Variants in ICA1L observed in about 807,000 individuals in gnomAD.
The protein encoded by ICA1L is islet cell autoantigen 1 like, also known as islet cell autoantigen 1-like protein.
ICA1L carries 50 observed loss-of-function variants against 61.3 expected under a neutral mutation model. The ratio of observed to expected loss-of-function variants is 0.82; its 90% CI spans 0.65 to 1.03. ICA1L has a LOEUF of 1.03. Among genes scored for constraint, ICA1L ranks in the 50% least tolerant of loss-of-function variants. The probability of loss-of-function intolerance (pLI) is 0.00; values close to 1 mark genes in which losing one functional copy is unlikely to be tolerated. For missense variants in ICA1L, 508 were observed against 556.7 expected, an observed-to-expected ratio of 0.91 and a Z score of 0.88; for synonymous variants, 161 against 191.3, an observed-to-expected ratio of 0.84 and a Z score of 1.31.
At chr2:202,799,321 G>C (rs1392476006) in intron 9 of ICA1L, among the ~76,000 whole-genome samples, 1 of 151,924 alleles carries the variant, frequency 6.6e-6, no homozygotes, top group African/African-American at 2.4e-5. Context: ...TTCTGACTAG[G>C]GTAAGCTGAT....
At chr2:202,867,173 T>C (rs1687541435) in intron 1 of ICA1L, among the ~76,000 whole-genome samples, 1 of 152,202 alleles carries the variant, frequency 6.6e-6, no homozygotes, top group Non-Finnish European at 1.5e-5. Flanking sequence ...TCTGAATATA[T>C]GAAGAATAAT....
intron 11 of ICA1L, among the ~76,000 whole-genome samples, chr2:202,787,418 A>G (rs143387694): frequency 7.6e-4 from 116 of 152,370 alleles, no homozygotes; most frequent in African/African-American, 2.3e-3. Flanking sequence ...CTTTATAGCT[A>G]CTGAGCCATT....
chr2:202,797,132 T>TTGTGTGTGTATATA lies in ICA1L; in HGVS notation c.911-169_911-168insTATATACACACACA, dbSNP rs542686344. Among the ~76,000 whole-genome samples the TTGTGTGTGTATATA allele has an allele frequency of 1.5e-3, 218 of 147,818 alleles. 1 individual carries two copies. The highest frequency in any genetic ancestry group is 3.4e-3 in the Middle Eastern group (1 of 292). On this transcript the variant is annotated intron_variant, in intron 9 of 12. Coordinates refer to ENST00000358299, the MANE Select transcript of ICA1L (RefSeq NM_001288622.3). ...ATAATCTTATATATAAAAATCACAT[T>TTGTGTGTGTATATA]TGTGTGTGTGTGTGTGTGTGTGTGT...
intron 9 of ICA1L, among the ~76,000 whole-genome samples, chr2:202,811,444 G>C (rs1693375470): frequency 6.6e-6 from 1 of 151,952 alleles, no homozygotes; most frequent in Admixed American, 6.6e-5. Context: ...CGGATCACAA[G>C]GTCAGGAGAT....
chr2:202,803,400 CAAAAAAAA>C (rs71030990), intron 9 of ICA1L, among the ~76,000 whole-genome samples: 1 of 60,644 alleles, frequency 1.6e-5, no homozygotes, highest in Non-Finnish European at 3.0e-5. Context: ...GACTCGATCT[CAAAAAAAA>C]AAAAAAAAAA....
chr2:202,854,407 C>G (rs1694715504), intron 1 of ICA1L, among the ~76,000 whole-genome samples: 1 of 152,098 alleles, frequency 6.6e-6, no homozygotes, highest in African/African-American at 2.4e-5. Context: ...TCTTAGAGAC[C>G]TACAAAAAGA....
chr2:202,865,418 G>A (rs1002805276), intron 1 of ICA1L, among the ~76,000 whole-genome samples: 5 of 151,036 alleles, frequency 3.3e-5, no homozygotes, highest in Admixed American at 2.0e-4. Flanking sequence ...GCAGTGAGCC[G>A]AGAGTGCACC....
intron 1 of ICA1L, among the ~76,000 whole-genome samples, chr2:202,853,699 G>A (rs1391885236): frequency 1.3e-5 from 2 of 152,106 alleles, no homozygotes; most frequent in African/African-American, 4.8e-5. Context: ...CAAAGAATAT[G>A]AACACACACT....
intron 5 of ICA1L, chr2:202,819,461 A>T: frequency 2.4e-6 from 1 of 408,632 alleles, no homozygotes; most frequent in South Asian, 4.3e-5. Flanking sequence ...AGTAATTTAG[A>T]TCTATCATGA....
rs1297431916 is a variant in ICA1L, at chr2:202,796,909, C to T, written c.966G>A (p.Gln322=). 1 of 1,596,046 alleles carries T rather than the reference C, an allele frequency of 6.3e-7. No individual in the cohort carries two copies. The highest frequency in any genetic ancestry group is 8.5e-7 in the Non-Finnish European group (1 of 1,170,180). Reference sequence around the variant, plus strand: ...TCTTACCATTTTCAGAGTTAGAAAACTGAGGTGCTCCAAATTCTCTCATTT... The same window carrying T: ...TCTTACCATTTTCAGAGTTAGAAAATTGAGGTGCTCCAAATTCTCTCATTT... ...HSQMREFGAP[Q]FSNSENVAKD... is the part of the protein sequence containing the mutation. The change falls in exon 10 of 13, where the codon CAG becomes CAA. Residue 322 remains glutamine, a synonymous_variant. Transcript: ENST00000358299.
chr2:202,828,263 CAA>C (rs56039507), intron 2 of ICA1L, among the ~76,000 whole-genome samples: 64,539 of 136,098 alleles, frequency 0.47, 14,619 homozygotes, highest in East Asian at 0.61. Flanking sequence ...AACCTCCATC[CAA>C]AAAAAAAAAA....
intron 1 of ICA1L, among the ~76,000 whole-genome samples, chr2:202,852,391 CCGGGTG>C (rs1342848118): frequency 1.3e-5 from 2 of 152,044 alleles, no homozygotes; most frequent in African/African-American, 4.8e-5. Flanking sequence ...CCCATTTCAG[CCGGGTG>C]CGGTGGCTTA....
At position 202,773,713 on chromosome 2, in the gene ICA1L, A is replaced by T. The variant is rs1256452110; in HGVS notation, c.*5820T>A. On this transcript the variant is annotated 3_prime_UTR_variant, in exon 13 of 13. Transcript: ENST00000358299. ...TTAATATATACAGCATATTGACTCT[A>T]GTTGCATCAGTTATGCATGAAGAGT... 2.3e-5 allele frequency: 25 copies of T among 1,085,930 alleles called. No homozygotes were observed. The highest frequency in any genetic ancestry group is 3.2e-5 in the Non-Finnish European group (23 of 712,040). 67.3% of individuals were successfully genotyped at this position (1,085,930 alleles called of 1,614,324 possible).
At chr2:202,853,517 T>A (rs1280488869) in intron 1 of ICA1L, among the ~76,000 whole-genome samples, 1 of 152,020 alleles carries the variant, frequency 6.6e-6, no homozygotes, top group Non-Finnish European at 1.5e-5. Context: ...TGGGATCTAA[T>A]TAAACTAAAG....
chr2:202,817,644 A>G (rs1693574887), intron 5 of ICA1L, 101 bp from the exon 6 acceptor site: 1 of 554,396 alleles, frequency 1.8e-6, no homozygotes, highest in Non-Finnish European at 2.8e-6. Flanking sequence ...AAATATTTTC[A>G]GAAATAAATT....
intron 3 of ICA1L, 77 bp from the exon 4 acceptor site, chr2:202,821,558 A>C: frequency 9.5e-6 from 10 of 1,052,152 alleles, no homozygotes; most frequent in Non-Finnish European, 1.4e-5. Flanking sequence ...TAAAAATCTC[A>C]CAGCAATAAC....
chr2:202,786,476 G>A (rs889756222), intron 11 of ICA1L, among the ~76,000 whole-genome samples: 3 of 152,066 alleles, frequency 2.0e-5, no homozygotes, highest in East Asian at 1.9e-4. Context: ...GTGAACCCGG[G>A]AAGCGGAGCT....
At chr2:202,794,661 C>G (rs915102833) in intron 10 of ICA1L, among the ~76,000 whole-genome samples, 2 of 152,094 alleles carry the variant, frequency 1.3e-5, no homozygotes, top group South Asian at 2.1e-4. Context: ...GGATATAAAA[C>G]TAACATGCGA....
rs183229231 is a variant in ICA1L, at chr2:202,803,667, C to T, written c.911-6703G>A. Among the ~76,000 whole-genome samples the T allele has an allele frequency of 1.4e-3, 210 of 152,048 alleles. 1 individual carries two copies. Among genetic ancestry groups the T allele is most frequent in the African/African-American group, 4.8e-3 (199 of 41,474 alleles). On this transcript the variant is annotated intron_variant, in intron 9 of 12. Coordinates refer to ENST00000358299, the MANE Select transcript of ICA1L (RefSeq NM_001288622.3). The stretch of plus-strand genomic sequence containing the variant: ...CGTTCCTCCTCAGTTTCTGGAGTAG[C>T]TGGGACTACAGGTGCACGCCACCAC...
Sources: gnomAD v4.1 joint callset for allele counts (sites outside exome capture counted in the v4.1 genomes callset) on GRCh38, gnomAD v4.1.1 for gene constraint, MANE v1.5 for transcripts, NCBI Gene and HGNC (gene_info 2026-07-23, HGNC 2026-07-21) for gene names.